Variants in BDNF observed in about 807,000 individuals in gnomAD.
The protein encoded by BDNF is brain derived neurotrophic factor, also known as neurotrophic factor BDNF precursor form.
Under a neutral mutation model 19.5 loss-of-function variants are expected in BDNF, and 1 was observed. The ratio of observed to expected loss-of-function variants is 0.05; its 90% CI spans 0.02 to 0.24. The LOEUF is 0.24. Ranked by LOEUF, BDNF falls within the 10% of genes least tolerant of loss-of-function variation. BDNF has a pLI of 1.00. For synonymous variants in BDNF, 100 were observed against 121.6 expected (o/e 0.82, Z 1.17); for missense variants, 195 against 317.6 (o/e 0.61, Z 2.93).
In BDNF at chr11:27,657,587, A is replaced by G. The variant is rs1367499173; in HGVS notation, c.*234T>C. On this transcript the variant is annotated 3_prime_UTR_variant, in exon 2 of 2. Transcript: ENST00000356660. The surrounding 1 kb of genome is among the most constrained non-coding windows in gnomAD (Gnocchi z 5.0). ...CTTGGCAACGGCAACAAACCACAACATTATCAAGGAATGTAATGCAGACTT... is the reference window on the plus strand; with the variant it reads ...CTTGGCAACGGCAACAAACCACAACGTTATCAAGGAATGTAATGCAGACTT... The G allele has an allele frequency of 1.6e-5, 21 of 1,314,354 alleles. No individual in the cohort carries two copies. Among genetic ancestry groups the G allele is most frequent in the Non-Finnish European group, 2.0e-5 (21 of 1,033,476 alleles). The allele number at this position is 1,314,354 out of a possible 1,614,324, so 81.4% of individuals were successfully genotyped here.
intron 1 of BDNF, among the ~76,000 whole-genome samples, chr11:27,718,571 G>A (rs1329356522): frequency 8.2e-5 from 1 of 12,248 alleles, no homozygotes; most frequent in African/African-American, 3.2e-4. Flanking sequence ...TCCCCTGCCC[G>A]CCCCTCCCCT....
intron 1 of BDNF, among the ~76,000 whole-genome samples, chr11:27,668,554 T>C (rs548979827): frequency 2.6e-5 from 4 of 151,906 alleles, no homozygotes; most frequent in African/African-American, 9.7e-5. Context: ...ATCAAATAGA[T>C]GCAATAAAAG....
intron 1 of BDNF, among the ~76,000 whole-genome samples, chr11:27,682,083 G>C (rs1447900603): frequency 1.3e-5 from 2 of 152,070 alleles, no homozygotes; most frequent in African/African-American, 2.4e-5. Flanking sequence ...TATTTACAAG[G>C]CTGCAAATCC....
chr11:27,720,782 T>C, intron 1 of BDNF: 6 of 987,958 alleles, frequency 6.1e-6, no homozygotes, highest in Non-Finnish European at 7.2e-6. Context: ...TTGATATTGC[T>C]CTAGACGGTT....
At chr11:27,670,863 T>A (rs868489250) in intron 1 of BDNF, among the ~76,000 whole-genome samples, 1 of 152,180 alleles carries the variant, frequency 6.6e-6, no homozygotes, top group South Asian at 2.1e-4. Context: ...TCCTCTAGGA[T>A]CTAGAACTAG....
chr11:27,717,494 T>C (rs1590505413), intron 1 of BDNF, among the ~76,000 whole-genome samples: 1 of 152,214 alleles, frequency 6.6e-6, no homozygotes, highest in Non-Finnish European at 1.5e-5. Context: ...AAAAAGCTAC[T>C]GGCAGGATGC....
At chr11:27,682,031 T>C (rs1383413226) in intron 1 of BDNF, among the ~76,000 whole-genome samples, 1 of 152,162 alleles carries the variant, frequency 6.6e-6, no homozygotes, top group African/African-American at 2.4e-5. Context: ...CAGAATAAAA[T>C]CTTCAGCAGT....
intron 1 of BDNF, among the ~76,000 whole-genome samples, chr11:27,709,535 C>T (rs1472652133): frequency 6.6e-6 from 1 of 151,978 alleles, no homozygotes; most frequent in Admixed American, 6.6e-5. Context: ...ACAAACTGTC[C>T]ATTGTTTCCT....
At chr11:27,669,259 A>T (rs1564955002) in intron 1 of BDNF, among the ~76,000 whole-genome samples, 3 of 152,206 alleles carry the variant, frequency 2.0e-5, no homozygotes, top group African/African-American at 7.2e-5. Context: ...ACATATCTCA[A>T]AATAATAAGA....
At chr11:27,687,112 T>A (rs918460111) in intron 1 of BDNF, among the ~76,000 whole-genome samples, 1 of 152,154 alleles carries the variant, frequency 6.6e-6, no homozygotes, top group South Asian at 2.1e-4. Context: ...TCCTTTTCAT[T>A]CTTTTTTTCT....
chr11:27,685,183 T>G (rs1229067937), intron 1 of BDNF, among the ~76,000 whole-genome samples: 1 of 152,212 alleles, frequency 6.6e-6, no homozygotes, highest in Non-Finnish European at 1.5e-5. Flanking sequence ...TTTATTTGCA[T>G]AGAGGTGTTT....
chr11:27,674,163 GC>G (rs1359126183), intron 1 of BDNF: 1 of 1,611,072 alleles, frequency 6.2e-7, no homozygotes. Flanking sequence ...CCATACAGAA[GC>G]GTGTGGGTAG....
intron 1 of BDNF, among the ~76,000 whole-genome samples, chr11:27,672,696 TC>T (rs1180998991): frequency 2.0e-5 from 3 of 152,162 alleles, no homozygotes; most frequent in Non-Finnish European, 2.9e-5. Context: ...TCGATAAAGT[TC>T]CCAGGAGGTA....
At chr11:27,682,737 C>T (rs1475374522) in intron 1 of BDNF, among the ~76,000 whole-genome samples, 1 of 152,174 alleles carries the variant, frequency 6.6e-6, no homozygotes, top group African/African-American at 2.4e-5. Context: ...AGGACATGAA[C>T]TCATCCTTTT....
intron 1 of BDNF, among the ~76,000 whole-genome samples, chr11:27,687,171 G>T (rs546142620): frequency 6.6e-6 from 1 of 151,926 alleles, no homozygotes; most frequent in East Asian, 1.9e-4. Flanking sequence ...TTCAATCTCT[G>T]ATATCCTTTC....
At chr11:27,716,088 G>A (rs1036995849) in intron 1 of BDNF, among the ~76,000 whole-genome samples, 2 of 152,172 alleles carry the variant, frequency 1.3e-5, no homozygotes, top group Non-Finnish European at 2.9e-5. Context: ...CTGCACCATA[G>A]TGTTTTAAGG....
chr11:27,710,677 A>G (rs1342533626), intron 1 of BDNF, among the ~76,000 whole-genome samples: 1 of 152,164 alleles, frequency 6.6e-6, no homozygotes, highest in Non-Finnish European at 1.5e-5. Context: ...TTAGCTTTGG[A>G]GGTTTGTCAT....
chr11:27,697,193 A>AGAGAGC (rs1859186226), intron 1 of BDNF, among the ~76,000 whole-genome samples: 1 of 148,660 alleles, frequency 6.7e-6, no homozygotes, highest in East Asian at 1.9e-4. Flanking sequence ...AGAGAGAGAG[A>AGAGAGC]GAGCACCCCA....
At chr11:27,677,706 C>G (rs912608949) in intron 1 of BDNF, 2 of 152,200 alleles carry the variant, frequency 1.3e-5, no homozygotes, top group Non-Finnish European at 2.9e-5. Context: ...TGGGGCAAGA[C>G]TTTTCAGTGT....
Sources: allele counts gnomAD v4.1 joint callset (sites outside exome capture counted in the v4.1 genomes callset), GRCh38; gene constraint gnomAD v4.1.1; non-coding constraint Gnocchi (gnomAD v3.1); transcripts MANE v1.5; gene names NCBI Gene and HGNC (gene_info 2026-07-23, HGNC 2026-07-21).